PRPS1: variants seen among roughly 807,000 people sequenced by gnomAD.
PRPS1 encodes ribose-phosphate pyrophosphokinase 1.
PRPS1 carries 1 observed loss-of-function variant against 16.9 expected under a neutral mutation model. That is an observed-to-expected ratio of 0.06 (90% CI 0.02 to 0.28). The LOEUF is 0.28. PRPS1 is among the 10% of genes least tolerant of loss of function. The pLI is 1.00. For missense variants in PRPS1, 47 were observed against 254.0 expected (o/e 0.19, Z 5.54); for synonymous variants, 70 against 90.2 (o/e 0.78, Z 1.27).
chrX:107,639,248 T>G (rs370316413), intron 1 of PRPS1, 47 bp from the exon 2 acceptor site: 12 of 1,174,284 alleles, frequency 1.0e-5, no homozygotes, highest in Non-Finnish European at 1.4e-5. Flanking sequence ...GGGCTGACAG[T>G]ACAGTGGTTT....
intron 4 of PRPS1, 88 bp downstream of exon 4, chrX:107,642,578 G>A (rs1925598999): frequency 8.8e-7 from 1 of 1,141,468 alleles, no homozygotes; most frequent in Non-Finnish European, 1.2e-6. Flanking sequence ...TATCCAAGTG[G>A]CAGTTTTTAA....
At chrX:107,629,410 T>G (rs1925260698) in intron 1 of PRPS1, among the ~76,000 whole-genome samples, 1 of 111,924 alleles carries the variant, frequency 8.9e-6, no homozygotes. Flanking sequence ...CTCTGCATCC[T>G]TGATAGCCAG....
At chrX:107,645,893 C>T (rs1271673987) in intron 5 of PRPS1, among the ~76,000 whole-genome samples, 2 of 110,172 alleles carry the variant, frequency 1.8e-5, no homozygotes, top group East Asian at 5.7e-4. Context: ...TATTACTTGT[C>T]ATCTCTTGCC....
At chrX:107,638,259 G>A (rs900675940) in intron 1 of PRPS1, among the ~76,000 whole-genome samples, 24 of 111,642 alleles carry the variant, frequency 2.1e-4, no homozygotes, top group Admixed American at 7.6e-4. Context: ...ACAGGCGTGT[G>A]CCACCATGCA....
Position 107,631,843 on chromosome X carries a change from C to T in PRPS1, c.122+3093C>T, listed in dbSNP as rs200476611. On this transcript the variant is annotated intron_variant, in intron 1 of 6. Coordinates refer to ENST00000372435, the MANE Select transcript of PRPS1 (RefSeq NM_002764.4). ...CTGGGATTACAGGCACGTGCCACCA[C>T]GCCCAGCTAATATTTTGTATTTTTA... Among the ~76,000 whole-genome samples the T allele has an allele frequency of 2.7e-5, 3 of 111,848 alleles. No homozygotes were observed. The East Asian group carries it at 8.4e-4, about 31-fold the overall frequency.
At chrX:107,639,180 C>T in intron 1 of PRPS1, 115 bp from the exon 2 acceptor site, 1 of 945,196 alleles carries the variant, frequency 1.1e-6, no homozygotes, top group East Asian at 3.1e-5. Flanking sequence ...ATTTTTTCTC[C>T]AAATATTTTC....
chrX:107,635,827 A>G (rs1204726900), intron 1 of PRPS1, among the ~76,000 whole-genome samples: 2 of 110,144 alleles, frequency 1.8e-5, no homozygotes, highest in East Asian at 2.9e-4. Flanking sequence ...TTGGGAGGTC[A>G]AGGCGGGCAG....
At chrX:107,642,005 T>G (rs1158225631) in intron 3 of PRPS1, among the ~76,000 whole-genome samples, 1 of 112,733 alleles carries the variant, frequency 8.9e-6, no homozygotes, top group Non-Finnish European at 1.9e-5. Context: ...CTTTTACTCC[T>G]TAACAAATCA....
intron 5 of PRPS1, among the ~76,000 whole-genome samples, chrX:107,645,968 C>G (rs892186072): frequency 9.0e-6 from 1 of 111,122 alleles, no homozygotes; most frequent in Non-Finnish European, 1.9e-5. Context: ...CTCACCTCCC[C>G]ACTCCATCTC....
chrX:107,635,139 C>T (rs758489477), intron 1 of PRPS1, among the ~76,000 whole-genome samples: 3 of 110,533 alleles, frequency 2.7e-5, no homozygotes, highest in South Asian at 7.4e-4. Context: ...CCGTGCCCAG[C>T]GATAATGATA....
In PRPS1 at chrX:107,649,097, T is replaced by A. The variant is rs1925770500; in HGVS notation, c.865-843T>A. On this transcript the variant is annotated intron_variant, in intron 6 of 6. Coordinates refer to ENST00000372435, the MANE Select transcript of PRPS1 (RefSeq NM_002764.4). The stretch of plus-strand genomic sequence containing the variant: ...TTTTAAATGCGAACCTACCACCATT[T>A]TTTTTTAGACAGGGTCTCACTCTGT... Among the ~76,000 whole-genome samples, 3 of 110,287 alleles carry A rather than the reference T, an allele frequency of 2.7e-5. No individual in the cohort carries two copies. In the Admixed American group the frequency reaches 2.9e-4, roughly 11 times the overall value.
intron 6 of PRPS1, among the ~76,000 whole-genome samples, chrX:107,649,380 C>T (rs970469160): frequency 9.0e-6 from 1 of 111,491 alleles, no homozygotes; most frequent in Admixed American, 9.5e-5. Context: ...AGCCACAGTG[C>T]CCAGCCATTT....
intron 4 of PRPS1, 26 bp from the exon 5 acceptor site, chrX:107,645,151 A>G: frequency 8.3e-7 from 1 of 1,210,126 alleles, no homozygotes; most frequent in African/African-American, 1.7e-5. Context: ...AGCCACACAT[A>G]CATATGAACA....
intron 1 of PRPS1, among the ~76,000 whole-genome samples, chrX:107,634,360 G>A (rs1014363103): frequency 9.3e-6 from 1 of 107,457 alleles, no homozygotes; most frequent in African/African-American, 3.4e-5. Context: ...GACTATAAGC[G>A]CCCACCACCA....
intron 5 of PRPS1, among the ~76,000 whole-genome samples, 189 bp downstream of exon 5, chrX:107,645,539 TTTC>T (rs1309432887): frequency 1.8e-5 from 2 of 111,825 alleles, no homozygotes; most frequent in Admixed American, 9.5e-5. Context: ...TTTTTCAGAT[TTTC>T]TTATTTTTTA....
intron 1 of PRPS1, among the ~76,000 whole-genome samples, chrX:107,630,573 A>AT (rs200870825): frequency 1.0e-4 from 11 of 109,468 alleles, no homozygotes; most frequent in African/African-American, 1.3e-4. Flanking sequence ...ACATAATCAC[A>AT]TTTTTTTTTA....
intron 3 of PRPS1, among the ~76,000 whole-genome samples, chrX:107,642,003 C>G (rs1437908469): frequency 8.9e-6 from 1 of 112,561 alleles, no homozygotes; most frequent in Admixed American, 9.4e-5. Context: ...AGCTTTTACT[C>G]CTTAACAAAT....
chrX:107,646,355 A>G (rs1389959479), intron 5 of PRPS1, among the ~76,000 whole-genome samples: 1 of 110,855 alleles, frequency 9.0e-6, no homozygotes, highest in East Asian at 2.8e-4. Flanking sequence ...GGCTCAAGCA[A>G]TTCTCCCACC....
intron 5 of PRPS1, among the ~76,000 whole-genome samples, 154 bp downstream of exon 5, chrX:107,645,504 A>G (rs1403502533): frequency 8.9e-6 from 1 of 112,091 alleles, no homozygotes; most frequent in Admixed American, 9.5e-5. Flanking sequence ...TATAATACAT[A>G]GAAATTGTTG....
Sources: gnomAD v4.1 joint callset for allele counts (sites outside exome capture counted in the v4.1 genomes callset) on GRCh38, gnomAD v4.1.1 for gene constraint, MANE v1.5 for transcripts, NCBI Gene and HGNC (gene_info 2026-07-23, HGNC 2026-07-21) for gene names.